Variants in EPB41L3 observed in about 807,000 individuals in gnomAD.
The protein encoded by EPB41L3 is erythrocyte membrane protein band 4.1 like 3.
A neutral mutation model predicts 127.1 loss-of-function variants in EPB41L3; 57 were observed. That is an observed-to-expected ratio of 0.45 (90% CI 0.36 to 0.56). The LOEUF is 0.56. EPB41L3 is among the 20% of genes least tolerant of loss of function. The pLI, the probability that EPB41L3 is intolerant of heterozygous loss-of-function variation, is 0.00. For missense variants in EPB41L3, 1,273 were observed against 1,372.2 expected (o/e 0.93, Z 1.14); for synonymous variants, 572 against 549.5 (o/e 1.04, Z -0.57).
chr18:5,526,806 T>C (rs1162543776), intron 1 of EPB41L3, among the ~76,000 whole-genome samples: 1 of 152,174 alleles, frequency 6.6e-6, no homozygotes, highest in East Asian at 1.9e-4. Flanking sequence ...CCTACAGTGG[T>C]CCAAATGAAA....
At chr18:5,537,010 T>G (rs1273077055) in intron 1 of EPB41L3, among the ~76,000 whole-genome samples, 1 of 152,210 alleles carries the variant, frequency 6.6e-6, no homozygotes, top group African/African-American at 2.4e-5. Context: ...AGTGTTTGCA[T>G]GTATTACATC....
At chr18:5,461,538 C>A (rs915474404) in intron 3 of EPB41L3, among the ~76,000 whole-genome samples, 5 of 152,108 alleles carry the variant, frequency 3.3e-5, no homozygotes, top group Non-Finnish European at 5.9e-5. Context: ...TGTTTATTGA[C>A]AAGAAGAAAC....
At chr18:5,492,507 C>T (rs765843284) in intron 1 of EPB41L3, among the ~76,000 whole-genome samples, 1 of 121,184 alleles carries the variant, frequency 8.3e-6, no homozygotes, top group Non-Finnish European at 1.6e-5. Flanking sequence ...ATGGTGCTGC[C>T]ATTTAAAATC....
intron 1 of EPB41L3, among the ~76,000 whole-genome samples, chr18:5,494,014 T>C (rs1281952689): frequency 1.3e-5 from 2 of 152,220 alleles, no homozygotes; most frequent in Admixed American, 6.5e-5. Context: ...TTAAATTCTC[T>C]TTCTTGGAGA....
At chr18:5,459,799 TC>T (rs1462912031) in intron 3 of EPB41L3, among the ~76,000 whole-genome samples, 1 of 152,246 alleles carries the variant, frequency 6.6e-6, no homozygotes, top group Non-Finnish European at 1.5e-5. Context: ...TCAAAATGTA[TC>T]CTTTTTTTCT....
chr18:5,466,830 CTGA>C (rs2085082456), intron 3 of EPB41L3, among the ~76,000 whole-genome samples: 1 of 152,200 alleles, frequency 6.6e-6, no homozygotes, highest in Non-Finnish European at 1.5e-5. Flanking sequence ...AATCTTGTGG[CTGA>C]TGACAGCAGC....
At chr18:5,600,861 G>T (rs910056552) in intron 3 of EPB41L3, among the ~76,000 whole-genome samples, 2 of 152,168 alleles carry the variant, frequency 1.3e-5, no homozygotes, top group Non-Finnish European at 2.9e-5. Flanking sequence ...TTAAATTTCA[G>T]TTGGGGCGGA....
chr18:5,448,915 A>G (rs1003225891), intron 3 of EPB41L3, among the ~76,000 whole-genome samples: 2 of 152,240 alleles, frequency 1.3e-5, no homozygotes, highest in South Asian at 2.1e-4. Flanking sequence ...TAAAAATGGC[A>G]TATCTCCAAG....
chr18:5,431,648 T>G (rs1445371651), intron 8 of EPB41L3, among the ~76,000 whole-genome samples: 1 of 152,146 alleles, frequency 6.6e-6, no homozygotes, highest in Non-Finnish European at 1.5e-5. Context: ...TTTATTTACT[T>G]ATTTATTTAT....
chr18:5,529,269 C>T (rs1276809071), intron 1 of EPB41L3, among the ~76,000 whole-genome samples: 3 of 152,062 alleles, frequency 2.0e-5, no homozygotes, highest in Non-Finnish European at 4.4e-5. Flanking sequence ...CTTTGCCTCT[C>T]AATATACTTC....
At position 5,541,252 on chromosome 18, in the gene EPB41L3, C is replaced by CAAAAAAAAAAAAAAAA. The variant is rs370717420; in HGVS notation, c.-12+2645_-12+2660dup. ...TGGGTGACACAGAAGGACTCCATCT[C>CAAAAAAAAAAAAAAAA]AAAAAAAAAAAAAAAAAAAAAAAAA... On this transcript the variant is annotated intron_variant, in intron 1 of 22. Coordinates refer to ENST00000341928, the MANE Select transcript of EPB41L3 (RefSeq NM_012307.5). Among the ~76,000 whole-genome samples, 3 of 46,766 alleles carry CAAAAAAAAAAAAAAAA rather than the reference C, an allele frequency of 6.4e-5. 1 individual carries two copies. The highest frequency in any genetic ancestry group is 3.9e-4 in the Admixed American group (1 of 2,596). The allele number at this position is 46,766 out of a possible 152,430, so 30.7% of individuals were successfully genotyped here.
At chr18:5,617,083 G>C (rs1003658749) in intron 1 of EPB41L3, among the ~76,000 whole-genome samples, 4 of 152,044 alleles carry the variant, frequency 2.6e-5, no homozygotes, top group African/African-American at 9.7e-5. Flanking sequence ...CTTCCCTCCA[G>C]TGATGTATAA....
chr18:5,400,604 G>T (rs2074346234), intron 16 of EPB41L3: 1 of 462,652 alleles, frequency 2.2e-6, no homozygotes, highest in Non-Finnish European at 4.3e-6. Flanking sequence ...GGCTAGTGGG[G>T]AAACCAATAA....
chr18:5,428,688 T>G (rs570942963), intron 8 of EPB41L3, among the ~76,000 whole-genome samples: 1 of 152,158 alleles, frequency 6.6e-6, no homozygotes, highest in African/African-American at 2.4e-5. Flanking sequence ...CTCCCAGGTG[T>G]CTCAGACTTA....
At chr18:5,533,651 T>C (rs2093479198) in intron 1 of EPB41L3, among the ~76,000 whole-genome samples, 1 of 152,188 alleles carries the variant, frequency 6.6e-6, no homozygotes, top group African/African-American at 2.4e-5. Context: ...GCCATTTTAC[T>C]CTATTACCGA....
rs778858300 is a variant in EPB41L3, at chr18:5,395,580, A to T, written c.3072+29T>A. 3.8e-5 allele frequency: 61 copies of T among 1,599,722 alleles called. No individual in the cohort carries two copies. In the South Asian group the frequency reaches 6.7e-4, roughly 18 times the overall value. ...CCTTCCTCCAGCTCGCTCTCAAGGA[A>T]TCCTCTTCTCGGTTCTCACTCCACT... is the stretch of plus-strand genomic sequence containing the variant. On this transcript the variant is annotated intron_variant, in intron 20 of 22. Transcript: ENST00000341928.
intron 3 of EPB41L3, among the ~76,000 whole-genome samples, chr18:5,447,479 A>G (rs113617748): frequency 0.015 from 2,097 of 137,720 alleles, 21 homozygotes; most frequent in South Asian, 0.04. Context: ...TTTTACCTAC[A>G]TACACACAAC....
At chr18:5,630,082 C>A (rs1020868034), upstream of EPB41L3, among the ~76,000 whole-genome samples, 2 of 152,172 alleles carry the variant, frequency 1.3e-5, no homozygotes, top group Non-Finnish European at 2.9e-5. Flanking sequence ...GCGGCAGCTC[C>A]AACACAGCGC....
chr18:5,496,081 C>T (rs1418159537), intron 1 of EPB41L3, among the ~76,000 whole-genome samples: 3 of 152,178 alleles, frequency 2.0e-5, no homozygotes, highest in African/African-American at 7.2e-5. Context: ...CAATACTTTA[C>T]ACAGATAACC....
Sources: allele counts gnomAD v4.1 joint callset (sites outside exome capture counted in the v4.1 genomes callset), GRCh38; gene constraint gnomAD v4.1.1; transcripts MANE v1.5; gene names NCBI Gene and HGNC (gene_info 2026-07-23, HGNC 2026-07-21).